Variants in AIM2 observed in about 807,000 individuals in gnomAD.
AIM2 encodes absent in melanoma 2, also known as interferon-inducible protein AIM2.
In AIM2, 30 loss-of-function variants were observed where a neutral mutation model predicts 27.7. That is an observed-to-expected ratio of 1.08 (90% confidence interval 0.81 to 1.47). The LOEUF (loss-of-function observed/expected upper bound fraction) is 1.47, where lower values mean the gene tolerates loss of function less well. AIM2 is among the 40% of genes most tolerant of loss of function. The pLI is 0.00. For synonymous variants in AIM2, 141 were observed against 145.3 expected (o/e 0.97, Z 0.21); for missense variants, 358 against 411.3 (o/e 0.87, Z 1.12).
chr1:159,117,287 T>G (rs10489847), intron 1 of AIM2, among the ~76,000 whole-genome samples: 1 of 152,080 alleles, frequency 6.6e-6, no homozygotes, highest in Non-Finnish European at 1.5e-5. Flanking sequence ...ACAAAGAATG[T>G]AGCTTAAAAA....
upstream of AIM2, among the ~76,000 whole-genome samples, chr1:159,140,884 G>A (rs1012043412): frequency 2.0e-5 from 3 of 152,202 alleles, no homozygotes; most frequent in African/African-American, 7.2e-5. Context: ...CTTGAAGTCT[G>A]TCCTACAAAC....
At chr1:159,107,306 ATGTGTGTGTG>A (rs72077036) in intron 1 of AIM2, among the ~76,000 whole-genome samples, 1 of 147,874 alleles carries the variant, frequency 6.8e-6, no homozygotes, top group South Asian at 2.1e-4. Flanking sequence ...ACATGTGTGT[ATGTGTGTGTG>A]TGTGTGTGTG....
chr1:159,090,730 G>A (rs935504113), intron 1 of AIM2, among the ~76,000 whole-genome samples: 1 of 152,074 alleles, frequency 6.6e-6, no homozygotes, highest in Non-Finnish European at 1.5e-5. Context: ...CATGGTAACT[G>A]GAGACACAGA....
At chr1:159,101,150 C>G (rs1657304043) in intron 1 of AIM2, among the ~76,000 whole-genome samples, 1 of 149,466 alleles carries the variant, frequency 6.7e-6, no homozygotes, top group South Asian at 2.2e-4. Flanking sequence ...TAGGAGGGAC[C>G]TGGTGGGAGG....
chr1:159,085,549 A>G (rs554861546), intron 1 of AIM2, among the ~76,000 whole-genome samples: 2 of 152,244 alleles, frequency 1.3e-5, no homozygotes, highest in Non-Finnish European at 2.9e-5. Flanking sequence ...GTAAATGGAG[A>G]TGTTTAATTG....
chr1:159,143,477 G>C (rs970029228), upstream of AIM2, among the ~76,000 whole-genome samples: 4 of 151,990 alleles, frequency 2.6e-5, no homozygotes, highest in Non-Finnish European at 4.4e-5. Context: ...GGGACTATAT[G>C]GTTGTAAAGG....
chr1:159,115,426 T>C (rs1647306745), intron 1 of AIM2, among the ~76,000 whole-genome samples: 1 of 152,100 alleles, frequency 6.6e-6, no homozygotes, highest in Non-Finnish European at 1.5e-5. Context: ...CTACCTGACT[T>C]CAAACTATAC....
At chr1:159,058,423 C>T (rs934818996), downstream of AIM2, among the ~76,000 whole-genome samples, 1 of 151,368 alleles carries the variant, frequency 6.6e-6, no homozygotes, top group African/African-American at 2.4e-5. Context: ...TTCATGGGCC[C>T]ATGGCAGTAA....
chr1:159,055,746 C>T, the AIM2 span, among the ~76,000 whole-genome samples: 1 of 152,286 alleles, frequency 6.6e-6, no homozygotes, highest in East Asian at 1.9e-4. Context: ...GTATCTAAAA[C>T]TAAAATTTAG....
upstream of AIM2, among the ~76,000 whole-genome samples, chr1:159,079,546 CT>C (rs1383725724): frequency 7.9e-5 from 12 of 151,972 alleles, no homozygotes; most frequent in Admixed American, 6.6e-5. Context: ...CAGTTTTTTT[CT>C]TTTTAGTAGA....
At chr1:159,119,969 ATTATATAGATCATGTGTAGCATTATG>A (rs1179673571) in intron 1 of AIM2, among the ~76,000 whole-genome samples, 2 of 152,164 alleles carry the variant, frequency 1.3e-5, no homozygotes, top group Non-Finnish European at 1.5e-5. Flanking sequence ...CATGATATAC[ATTATATAGATCATGTGTAGCATTATG>A]TTATATATAA....
At chr1:159,059,448 C>T (rs1655762904), downstream of AIM2, among the ~76,000 whole-genome samples, 1 of 152,150 alleles carries the variant, frequency 6.6e-6, no homozygotes, top group Non-Finnish European at 1.5e-5. Flanking sequence ...GTCAAAATCA[C>T]AGTATCACTC....
chr1:159,078,591 T>G (rs1187899768), upstream of AIM2, among the ~76,000 whole-genome samples: 1 of 152,126 alleles, frequency 6.6e-6, no homozygotes, highest in Admixed American at 6.5e-5. Flanking sequence ...TGGGAAGTGG[T>G]CTCAATGAGG....
chr1:159,106,365 C>T (rs374909574), intron 1 of AIM2, among the ~76,000 whole-genome samples: 59 of 152,344 alleles, frequency 3.9e-4, no homozygotes, highest in Non-Finnish European at 4.9e-4. Flanking sequence ...GACAGGCTTC[C>T]GCTGCTATCA....
upstream of AIM2, chr1:159,081,196 C>T (rs867114642): frequency 6.4e-5 from 15 of 232,756 alleles, 1 homozygote; most frequent in Middle Eastern, 0.017. Flanking sequence ...AGATATTTGC[C>T]CCCCTTCATT....
At chr1:159,095,088 A>G (rs1008136057) in intron 1 of AIM2, among the ~76,000 whole-genome samples, 2 of 152,250 alleles carry the variant, frequency 1.3e-5, no homozygotes, top group African/African-American at 2.4e-5. Context: ...TCATCCAGAG[A>G]GAGAAGCACT....
intron 1 of AIM2, among the ~76,000 whole-genome samples, chr1:159,116,904 C>T (rs371414985): frequency 6.6e-4 from 99 of 150,716 alleles, no homozygotes; most frequent in Middle Eastern, 7.0e-3. Flanking sequence ...CCCCTGAATG[C>T]TACAGGGAGA....
chr1:159,055,212 G>A, the AIM2 span: 1 of 183,294 alleles, frequency 5.5e-6, no homozygotes, highest in Non-Finnish European at 1.1e-5. Context: ...CAAATAGTCT[G>A]TGGTCTGCAA....
intron 1 of AIM2, among the ~76,000 whole-genome samples, chr1:159,088,745 GA>G (rs1557900772): frequency 4.6e-5 from 7 of 152,040 alleles, no homozygotes; most frequent in African/African-American, 1.7e-4. Flanking sequence ...AGAAGAGGAA[GA>G]GAGACCTGAG....
Sources: allele counts gnomAD v4.1 joint callset (sites outside exome capture counted in the v4.1 genomes callset), GRCh38; gene constraint gnomAD v4.1.1; transcripts MANE v1.5; gene names NCBI Gene and HGNC (gene_info 2026-07-23, HGNC 2026-07-21).